Variants in NEDD4L observed in about 807,000 individuals in gnomAD.
The protein encoded by NEDD4L is E3 ubiquitin-protein ligase NEDD4-like.
A neutral mutation model predicts 148.9 loss-of-function variants in NEDD4L; 54 were observed. The ratio of observed to expected loss-of-function variants is 0.36; its 90% CI spans 0.29 to 0.45. NEDD4L has a LOEUF of 0.45. Ranked by LOEUF, NEDD4L falls within the 20% of genes least tolerant of loss-of-function variation. The pLI is 1.00. For synonymous variants in NEDD4L, 433 were observed against 440.7 expected (o/e 0.98, Z 0.22); for missense variants, 856 against 1,233.8 (o/e 0.69, Z 4.59).
At chr18:58,242,331 A>G (rs375138987) in intron 2 of NEDD4L, among the ~76,000 whole-genome samples, 99 of 152,320 alleles carry the variant, frequency 6.5e-4, no homozygotes, top group African/African-American at 2.3e-3. Flanking sequence ...GTATTAATAC[A>G]TGATTTTCTC....
chr18:58,165,597 A>G lies in NEDD4L; in HGVS notation c.49-191A>G. The G allele has an allele frequency of 2.8e-6, 4 of 1,435,196 alleles. No homozygotes were observed. The South Asian group carries it at 5.8e-5, about 21-fold the overall frequency. 88.9% of individuals were successfully genotyped at this position (1,435,196 alleles called of 1,614,324 possible). A position where few individuals can be genotyped will look rare whatever the true frequency, so the allele number is the denominator to read the frequency against. ...TAACTTGGATGTTCTAAGTTTCTAG[A>G]GTCACAGACTTTTAGAGCTGGAATA... On this transcript the variant is annotated intron_variant, in intron 1 of 30. Transcript: ENST00000400345.
chr18:58,078,477 G>C (rs1421959653), intron 1 of NEDD4L, among the ~76,000 whole-genome samples: 2 of 152,158 alleles, frequency 1.3e-5, no homozygotes, highest in South Asian at 4.1e-4. Flanking sequence ...AGGGGGGACC[G>C]CTGAGGGCTT....
intron 2 of NEDD4L, among the ~76,000 whole-genome samples, chr18:58,177,653 A>G (rs185647878): frequency 2.6e-5 from 4 of 152,342 alleles, no homozygotes; most frequent in Non-Finnish European, 2.9e-5. Flanking sequence ...TGAAGGTAAC[A>G]ATGTCCCTTC....
intron 10 of NEDD4L, among the ~76,000 whole-genome samples, chr18:58,330,108 T>A (rs920640596): frequency 6.6e-6 from 1 of 152,246 alleles, no homozygotes; most frequent in African/African-American, 2.4e-5. Context: ...TCTTCCATGC[T>A]ATCTTACCAG....
intron 1 of NEDD4L, among the ~76,000 whole-genome samples, chr18:58,150,824 C>A (rs1018164527): frequency 1.3e-5 from 2 of 152,004 alleles, no homozygotes; most frequent in African/African-American, 4.8e-5. Context: ...GGGTACCCAG[C>A]CAAGGGTTTT....
chr18:58,172,611 C>G (rs922817016), intron 2 of NEDD4L, among the ~76,000 whole-genome samples: 1 of 152,152 alleles, frequency 6.6e-6, no homozygotes, highest in Non-Finnish European at 1.5e-5. Flanking sequence ...AGGTATTGAA[C>G]CAGGGCCTAA....
chr18:58,270,263 C>T (rs543553831), intron 5 of NEDD4L, among the ~76,000 whole-genome samples: 3 of 152,252 alleles, frequency 2.0e-5, no homozygotes, highest in East Asian at 1.9e-4. Flanking sequence ...GTATTTAAAG[C>T]GAAGTAGTAA....
At chr18:58,230,418 T>C (rs546507774) in intron 2 of NEDD4L, among the ~76,000 whole-genome samples, 6,727 of 147,090 alleles carry the variant, frequency 0.046, 468 homozygotes, top group African/African-American at 0.15. Context: ...AAGCTTCTTC[T>C]TTTTTTTTTT....
chr18:58,085,555 G>A (rs1273508431), intron 1 of NEDD4L, among the ~76,000 whole-genome samples: 6 of 152,170 alleles, frequency 3.9e-5, no homozygotes, highest in Admixed American at 6.5e-5. Context: ...AAAGCAAAGC[G>A]AACCCAAGCT....
intron 2 of NEDD4L, among the ~76,000 whole-genome samples, chr18:58,208,369 A>G (rs567276593): frequency 2.6e-5 from 4 of 152,330 alleles, no homozygotes; most frequent in African/African-American, 4.8e-5. Context: ...ATTTGTTCCC[A>G]TAAGTAGGTT....
chr18:58,097,203 G>A (rs1009780080), intron 1 of NEDD4L, among the ~76,000 whole-genome samples: 6 of 152,214 alleles, frequency 3.9e-5, no homozygotes, highest in Non-Finnish European at 7.3e-5. Context: ...GGAAGGAAAT[G>A]AGACCATTGT....
chr18:58,298,566 T>TTAGAAC (rs1417211815), intron 5 of NEDD4L, among the ~76,000 whole-genome samples: 1 of 152,248 alleles, frequency 6.6e-6, no homozygotes, highest in Non-Finnish European at 1.5e-5. Flanking sequence ...TGTGCAACGT[T>TTAGAAC]TAGAACATTG....
chr18:58,327,140 C>T (rs1245129150), intron 9 of NEDD4L, among the ~76,000 whole-genome samples: 3 of 152,214 alleles, frequency 2.0e-5, no homozygotes, highest in African/African-American at 7.2e-5. Flanking sequence ...CAGAGTCTCA[C>T]TCTGTCACCC....
intron 24 of NEDD4L, among the ~76,000 whole-genome samples, chr18:58,375,990 G>A (rs2047516921): frequency 6.6e-6 from 1 of 152,134 alleles, no homozygotes; most frequent in African/African-American, 2.4e-5. Context: ...GGAAGGAGTG[G>A]AAGTAAAGAA....
chr18:58,044,674 T>C lies in NEDD4L; in HGVS notation c.14T>C (p.Leu5Pro). ...GGCGCCGGCTCCATGGCGACCGGGC[T>C]CGGGGAGCCGGTCTATGGACTTTCC... MATG[L>P]GEPVYGLSED... The change falls in exon 1 of 31, where the codon CTC (leucine) becomes CCC (proline). Residue 5 changes from leucine (L) to proline (P), a missense_variant. Transcript: ENST00000400345. 3.7e-6 allele frequency: 6 copies of C among 1,603,952 alleles called. No individual in the cohort carries two copies. The South Asian group carries it at 6.7e-5, about 18-fold the overall frequency.
chr18:58,372,807 A>G (rs1601822346), intron 23 of NEDD4L: 1 of 169,688 alleles, frequency 5.9e-6, no homozygotes, highest in South Asian at 1.4e-4. Flanking sequence ...CTGGGTGACA[A>G]GAGCGAAACT....
At chr18:58,068,875 G>A (rs1183396422) in intron 1 of NEDD4L, among the ~76,000 whole-genome samples, 3 of 152,144 alleles carry the variant, frequency 2.0e-5, no homozygotes, top group Admixed American at 6.5e-5. Context: ...AGTGGCTTAC[G>A]CCTGTAATCC....
chr18:58,376,899 GCTTTCT>G (rs1184500092), intron 24 of NEDD4L, among the ~76,000 whole-genome samples: 2 of 152,184 alleles, frequency 1.3e-5, no homozygotes, highest in African/African-American at 4.8e-5. Flanking sequence ...CAGGCCCTCT[GCTTTCT>G]CTTCCATCTG....
At chr18:58,165,994 T>A (rs2036802542) in intron 2 of NEDD4L, 133 bp downstream of exon 2, 3 of 713,670 alleles carry the variant, frequency 4.2e-6, no homozygotes, top group Admixed American at 5.2e-5. Flanking sequence ...GCAGGGATTC[T>A]GATTTAGGAA....
Sources: gnomAD v4.1 joint callset for allele counts (sites outside exome capture counted in the v4.1 genomes callset) on GRCh38, gnomAD v4.1.1 for gene constraint, MANE v1.5 for transcripts, NCBI Gene and HGNC (gene_info 2026-07-23, HGNC 2026-07-21) for gene names.